DGKZ: variants seen among roughly 807,000 people sequenced by gnomAD.
DGKZ encodes diacylglycerol kinase zeta.
In DGKZ, 45 loss-of-function variants were observed where a neutral mutation model predicts 142.5. That is an observed-to-expected ratio of 0.32 (90% CI 0.25 to 0.40). DGKZ has a LOEUF of 0.40. Among genes scored for constraint, DGKZ ranks in the 10% least tolerant of loss-of-function variants. The pLI is 1.00. For synonymous variants in DGKZ, 442 were observed against 527.0 expected (o/e 0.84, Z 2.21); for missense variants, 755 against 1,306.5 (o/e 0.58, Z 6.51).
upstream of DGKZ, chr11:46,345,495 A>G: frequency 6.6e-7 from 1 of 1,515,188 alleles, no homozygotes; most frequent in South Asian, 1.3e-5. The surrounding 1 kb of genome is among the most constrained non-coding windows in gnomAD (Gnocchi z 4.1). Context: ...CTGGGGACGG[A>G]AGAAGGGGAG....
At chr11:46,368,586 T>G in intron 4 of DGKZ, 1 of 266,088 alleles carries the variant, frequency 3.8e-6, no homozygotes, top group Non-Finnish European at 7.5e-6. Context: ...GGGGCAGCGC[T>G]TCCCAGCCTG....
intron 4 of DGKZ, chr11:46,369,276 G>T: frequency 1.6e-6 from 1 of 633,312 alleles, no homozygotes; most frequent in Non-Finnish European, 2.9e-6. Flanking sequence ...CCTGGGTCCT[G>T]GGTGGAAGAA....
Position 46,374,597 on chromosome 11 carries a change from C to A in DGKZ, c.1462-7C>A. Reference sequence around the variant, plus strand: ...CAGCAGATGGTGACGCCCTCTGTCTCCCACAGACAGCTTTCTCTGACTTCC... The same window carrying A: ...CAGCAGATGGTGACGCCCTCTGTCTACCACAGACAGCTTTCTCTGACTTCC... On this transcript the variant is annotated splice_region_variant and splice_polypyrimidine_tract_variant and intron_variant, in intron 16 of 30. Transcript: ENST00000527911. 1 of 1,584,308 alleles carries A rather than the reference C, an allele frequency of 6.3e-7. No homozygotes were observed. The highest frequency in any genetic ancestry group is 1.2e-5 in the South Asian group (1 of 86,698).
At chr11:46,360,562 C>T (rs577383266) in intron 1 of DGKZ, among the ~76,000 whole-genome samples, 4 of 150,760 alleles carry the variant, frequency 2.7e-5, no homozygotes, top group East Asian at 3.9e-4. Context: ...CCGAGGTGGG[C>T]GGATCACGAG....
At chr11:46,363,815 C>T (rs565032766) in intron 1 of DGKZ, among the ~76,000 whole-genome samples, 7 of 152,312 alleles carry the variant, frequency 4.6e-5, no homozygotes, top group South Asian at 2.1e-4. Context: ...GCTGGCAGGC[C>T]GGTGCCCTGA....
chr11:46,375,018 G>A (rs1365578965), exon 19 of DGKZ: 1 of 1,608,384 alleles, frequency 6.2e-7, no homozygotes, highest in South Asian at 1.1e-5. Flanking sequence ...GCTACCTCGA[G>A]GTCATTGGCT....
chr11:46,361,470 G>A, intron 1 of DGKZ: 1 of 244,994 alleles, frequency 4.1e-6, no homozygotes, highest in African/African-American at 2.3e-5. Context: ...GCCTGCTGCA[G>A]GGCCTGGAGC....
chr11:46,366,352 G>A, intron 1 of DGKZ: 2 of 1,537,166 alleles, frequency 1.3e-6, no homozygotes, highest in East Asian at 2.3e-5. Flanking sequence ...CCACAGGCAA[G>A]GCCCGGCGTC....
chr11:46,345,481 G>A (rs992871296), upstream of DGKZ: 1 of 1,508,042 alleles, frequency 6.6e-7, no homozygotes, highest in Non-Finnish European at 8.8e-7. The surrounding 1 kb of genome is among the most constrained non-coding windows in gnomAD (Gnocchi z 4.1). Context: ...GCCCAGTGGA[G>A]GCGCTGGGGA....
rs200676323 is a variant in DGKZ at position 46,374,717 on chromosome 11, G to A, written c.1525-49G>A. On this transcript the variant is annotated intron_variant, in intron 17 of 30. Coordinates refer to ENST00000527911, the Ensembl canonical transcript of DGKZ. ...TGGGTGGGCCGGAAGGGAGGGAGGC[G>A]GAGGCCACCTGGCACATGCACCTCA... 1,391 of 1,611,314 alleles carry A rather than the reference G, an allele frequency of 8.6e-4. 2 individuals are homozygous for A. The highest frequency in any genetic ancestry group is 4.5e-3 in the Middle Eastern group (27 of 6,054).
intron 25 of DGKZ, chr11:46,377,742 T>G (rs756432069): frequency 1.7e-5 from 4 of 235,320 alleles, no homozygotes; most frequent in African/African-American, 2.5e-5. Flanking sequence ...CCTGCCCCAC[T>G]CTCTTCTCTT....
intron 15 of DGKZ, 55 bp downstream of exon 15, chr11:46,374,290 AG>A: frequency 6.2e-7 from 1 of 1,612,332 alleles, no homozygotes; most frequent in Non-Finnish European, 8.5e-7. Flanking sequence ...TGTCCCCGGG[AG>A]GGTCAGACCC....
intron 25 of DGKZ, 55 bp downstream of exon 25, chr11:46,377,267 C>T (rs545223427): frequency 3.3e-6 from 5 of 1,525,998 alleles, no homozygotes; most frequent in Non-Finnish European, 4.4e-6. Context: ...CACCTGTAAG[C>T]CGATGACTTC....
At chr11:46,349,018 A>G (rs547464341) in intron 1 of DGKZ, among the ~76,000 whole-genome samples, 21 of 152,298 alleles carry the variant, frequency 1.4e-4, no homozygotes, top group African/African-American at 4.8e-4. Context: ...TTACCCACCA[A>G]TAACATGGGC....
chr11:46,345,059 C>T (rs565240017), upstream of DGKZ, among the ~76,000 whole-genome samples: 1 of 152,240 alleles, frequency 6.6e-6, no homozygotes. This position sits in a 1 kb window ranked among gnomAD's most constrained non-coding sequence, Gnocchi z 4.1. Context: ...GGGCTGGGCA[C>T]ACCCAGCCAT....
intron 20 of DGKZ, 100 bp downstream of exon 20, chr11:46,375,731 GC>G (rs1016669534): frequency 6.7e-6 from 10 of 1,501,124 alleles, no homozygotes; most frequent in Non-Finnish European, 9.0e-6. Context: ...CTGTCCCTCT[GC>G]CCCAGGGGTG....
In DGKZ at chr11:46,377,356, T is replaced by C. The variant is rs1229387659; in HGVS notation, c.2342+144T>C. ...CCTGGCCAAAGCCCACCTGACGGCC[T>C]TCAGCCCTGTGGTTCTGTGGGGAAG... On this transcript the variant is annotated intron_variant, in intron 25 of 30. Transcript: ENST00000527911. The C allele has an allele frequency of 5.3e-5, 74 of 1,397,538 alleles. 1 individual carries two copies. Among genetic ancestry groups the C allele is most frequent in the Non-Finnish European group, 6.5e-5 (69 of 1,064,256 alleles). 86.6% of individuals were successfully genotyped at this position (1,397,538 alleles called of 1,614,324 possible).
At chr11:46,371,498 G>A (rs778513344) in exon 8 of DGKZ, 2 of 1,605,064 alleles carry the variant, frequency 1.2e-6, no homozygotes, top group South Asian at 2.2e-5. Context: ...ACCACAGCAA[G>A]GTGTCCTGCT....
upstream of DGKZ, among the ~76,000 whole-genome samples, chr11:46,342,859 C>T (rs972481096): frequency 6.6e-6 from 1 of 152,222 alleles, no homozygotes; most frequent in Non-Finnish European, 1.5e-5. Flanking sequence ...TGCGGTGGCT[C>T]ATGCCTGTAA....
Sources: gnomAD v4.1 joint callset for allele counts (sites outside exome capture counted in the v4.1 genomes callset) on GRCh38, gnomAD v4.1.1 for gene constraint, Gnocchi (gnomAD v3.1) non-coding constraint, MANE v1.5 for transcripts, NCBI Gene and HGNC (gene_info 2026-07-23, HGNC 2026-07-21) for gene names.